Variants in GPR161 observed in about 807,000 individuals in gnomAD.
The protein encoded by GPR161 is G protein-coupled receptor 161, also known as G-protein coupled receptor RE2.
In GPR161, 25 loss-of-function variants were observed where a neutral mutation model predicts 39.2. That is an observed-to-expected ratio of 0.64 (90% confidence interval 0.47 to 0.89). The LOEUF is 0.89. GPR161 is among the 40% of genes least tolerant of loss of function. The probability of loss-of-function intolerance (pLI) is 0.00; values close to 1 mark genes in which losing one functional copy is unlikely to be tolerated. For missense variants in GPR161, 547 were observed against 677.8 expected, an observed-to-expected ratio of 0.81 and a Z score of 2.14; for synonymous variants, 286 against 276.6, an observed-to-expected ratio of 1.03 and a Z score of -0.34.
chr1:168,095,310 G>A (rs969806185), intron 3 of GPR161, among the ~76,000 whole-genome samples: 4 of 152,210 alleles, frequency 2.6e-5, no homozygotes, highest in African/African-American at 4.8e-5. Context: ...AATGAAAAAC[G>A]GGTGAGATCT....
At chr1:168,130,046 T>C (rs1334528229) in intron 1 of GPR161, among the ~76,000 whole-genome samples, 1 of 152,214 alleles carries the variant, frequency 6.6e-6, no homozygotes, top group African/African-American at 2.4e-5. Flanking sequence ...TGAGCTCCTC[T>C]CTCCTGTCTC....
chr1:168,106,174 T>C (rs1164272026), intron 1 of GPR161, among the ~76,000 whole-genome samples: 4 of 152,218 alleles, frequency 2.6e-5, no homozygotes, highest in African/African-American at 9.7e-5. Flanking sequence ...ACTCTCTTGA[T>C]TTGCGGTCCC....
chr1:168,084,601 G>A lies in GPR161; in HGVS notation c.*930C>T. The A allele has an allele frequency of 5.5e-6, 2 of 360,528 alleles. No homozygotes were observed. The allele number at this position is 360,528 out of a possible 1,614,324, so 22.3% of individuals were successfully genotyped here. A position where few individuals can be genotyped will look rare whatever the true frequency, so the allele number is the denominator to read the frequency against. The stretch of plus-strand genomic sequence containing the variant: ...TGGGAGTGTGCCATGCAGAACTGAG[G>A]CCAGCTATTTTCATTGGTCACTCAA... On this transcript the variant is annotated 3_prime_UTR_variant, in exon 6 of 6. Transcript: ENST00000682931.
At chr1:168,089,716 A>C (rs558945147) in intron 4 of GPR161, among the ~76,000 whole-genome samples, 3 of 129,894 alleles carry the variant, frequency 2.3e-5, no homozygotes, top group Non-Finnish European at 4.9e-5. Context: ...TTCCTCAGCA[A>C]TGTGGAGCCA....
In GPR161 at chr1:168,106,180, G is replaced by A. The variant is rs147243913; in HGVS notation, c.-44-1286C>T. Among the ~76,000 whole-genome samples the A allele has an allele frequency of 1.9e-3, 293 of 152,238 alleles. 2 individuals carry two copies. The highest frequency in any genetic ancestry group is 6.6e-3 in the African/African-American group (272 of 41,514). ...ATGTCTATGACTCTCTTGATTTGCG[G>A]TCCCCAAAATTGAACACACCATTCT... is the stretch of plus-strand genomic sequence containing the variant. On this transcript the variant is annotated intron_variant, in intron 1 of 5. Transcript: ENST00000682931.
intron 1 of GPR161, among the ~76,000 whole-genome samples, chr1:168,115,630 G>T (rs911002857): frequency 4.6e-5 from 7 of 152,122 alleles, no homozygotes; most frequent in African/African-American, 1.7e-4. Context: ...CATCCTAAGG[G>T]ACAGCCTGAG....
intron 2 of GPR161, among the ~76,000 whole-genome samples, chr1:168,099,538 T>G (rs1043254939): frequency 8.5e-4 from 130 of 152,316 alleles, no homozygotes; most frequent in African/African-American, 3.0e-3. Context: ...CAGATTTCCT[T>G]CTGGCTCTTC....
intron 1 of GPR161, chr1:168,114,543 TGA>T (rs1270216981): frequency 1.3e-5 from 2 of 149,498 alleles, no homozygotes; most frequent in Non-Finnish European, 1.5e-5. Flanking sequence ...AGCAACAGGG[TGA>T]GACTCTGTCT....
chr1:168,110,355 G>A (rs1697010356), intron 1 of GPR161, among the ~76,000 whole-genome samples: 1 of 151,826 alleles, frequency 6.6e-6, no homozygotes, highest in Non-Finnish European at 1.5e-5. Context: ...AATTAGCCAG[G>A]CTTGGTGGTG....
chr1:168,122,401 G>A (rs6667401), intron 1 of GPR161, among the ~76,000 whole-genome samples: 41,875 of 151,988 alleles, frequency 0.28, 6,525 homozygotes, highest in African/African-American at 0.42. Context: ...AGCTTCCCAC[G>A]AATCTACCTG....
At chr1:168,117,911 GGAAT>G (rs1303614515) in intron 1 of GPR161, among the ~76,000 whole-genome samples, 15 of 152,106 alleles carry the variant, frequency 9.9e-5, no homozygotes, top group Non-Finnish European at 1.8e-4. Context: ...CCCTGTTTGT[GGAAT>G]GAATGAAGAT....
rs1425842485 is a variant in GPR161 at position 168,087,616 on chromosome 1, C to A, written c.1293G>T (p.Val431=). The change falls in exon 5 of 6, where the codon GTG becomes GTT. Residue 431 remains valine, a synonymous_variant. Coordinates refer to ENST00000682931, the MANE Select transcript of GPR161 (RefSeq NM_001375883.1). ...CTCPPKRRSS[V]TFEDEVEQIK... is the part of the protein sequence containing the mutation. ...TTTGTTCCACTTCATCCTCAAATGTCACCGAGCTCCTTCTCTTGGGTGGGC... is the reference window on the plus strand; with the variant it reads ...TTTGTTCCACTTCATCCTCAAATGTAACCGAGCTCCTTCTCTTGGGTGGGC... The A allele has an allele frequency of 6.2e-7, 1 of 1,614,176 alleles. No individual in the cohort carries two copies. Among genetic ancestry groups the A allele is most frequent in the East Asian group, 2.2e-5 (1 of 44,892 alleles).
chr1:168,125,930 C>T (rs1698557035), intron 1 of GPR161, among the ~76,000 whole-genome samples: 1 of 152,064 alleles, frequency 6.6e-6, no homozygotes, highest in Admixed American at 6.6e-5. Flanking sequence ...TTTTATTTCC[C>T]CTATAAACTC....
intron 2 of GPR161, among the ~76,000 whole-genome samples, chr1:168,101,146 T>C (rs1273392650): frequency 1.3e-5 from 2 of 151,998 alleles, no homozygotes; most frequent in African/African-American, 2.4e-5. Context: ...ATTTTTATTA[T>C]ACTTTAAGTT....
At chr1:168,118,212 C>G (rs905899936) in intron 1 of GPR161, among the ~76,000 whole-genome samples, 1 of 152,134 alleles carries the variant, frequency 6.6e-6, no homozygotes, top group African/African-American at 2.4e-5. Context: ...ACCCACAGAT[C>G]GGGTGAAAAT....
At chr1:168,137,243 C>T (rs1330137995), upstream of GPR161, 11 of 1,483,330 alleles carry the variant, frequency 7.4e-6, no homozygotes, top group Admixed American at 2.2e-5. Flanking sequence ...GTTCCTCCGC[C>T]CCAGTTCCAG....
At chr1:168,109,885 G>A (rs540486080) in intron 1 of GPR161, among the ~76,000 whole-genome samples, 1 of 152,182 alleles carries the variant, frequency 6.6e-6, no homozygotes, top group South Asian at 2.1e-4. Context: ...AGAATTGCTT[G>A]AACCTGGGAG....
At chr1:168,087,231 C>T (rs1385340933) in intron 5 of GPR161, among the ~76,000 whole-genome samples, 1 of 152,176 alleles carries the variant, frequency 6.6e-6, no homozygotes, top group African/African-American at 2.4e-5. Context: ...CTCATTGGGC[C>T]ATTATCTCAT....
Position 168,108,506 on chromosome 1 carries a change from A to AAAAAAAAAAAAAC in GPR161, c.-44-3613_-44-3612insGTTTTTTTTTTTT, listed in dbSNP as rs1558117111. On this transcript the variant is annotated intron_variant, in intron 1 of 5. Coordinates refer to ENST00000682931, the MANE Select transcript of GPR161 (RefSeq NM_001375883.1). ...AGTTGTAAAAAAAAAAAAAAAAAAA[A>AAAAAAAAAAAAAC]AAAAAACTGGAAATAAGTGAGAAAG... Among the ~76,000 whole-genome samples, 9 of 147,084 alleles carry AAAAAAAAAAAAAC rather than the reference A, an allele frequency of 6.1e-5. 1 individual carries two copies. The highest frequency in any genetic ancestry group is 2.0e-4 in the African/African-American group (8 of 40,332).
Sources: allele counts gnomAD v4.1 joint callset (sites outside exome capture counted in the v4.1 genomes callset), GRCh38; gene constraint gnomAD v4.1.1; transcripts MANE v1.5; gene names NCBI Gene and HGNC (gene_info 2026-07-23, HGNC 2026-07-21).